The following OTOGL variants were observed in gnomAD, a reference collection of about 807,000 sequenced individuals.
The protein encoded by OTOGL is otogelin like, also known as otogelin-like protein.
In OTOGL, 285 loss-of-function variants were observed where a neutral mutation model predicts 318.5. That is an observed-to-expected ratio of 0.89 (90% CI 0.81 to 0.99). The LOEUF is 0.99. Ranked by LOEUF, OTOGL falls within the 50% of genes least tolerant of loss-of-function variation. The pLI is 0.00. For missense variants in OTOGL, 2,899 were observed against 2,845.6 expected (o/e 1.02, Z -0.43); for synonymous variants, 987 against 936.5 (o/e 1.05, Z -0.99).
chr12:80,319,985 C>G (rs1406626290), intron 33 of OTOGL, among the ~76,000 whole-genome samples: 2 of 152,084 alleles, frequency 1.3e-5, no homozygotes, highest in Non-Finnish European at 2.9e-5. Flanking sequence ...CTAAATTGAT[C>G]TATTTCTGTA....
intron 1 of OTOGL, among the ~76,000 whole-genome samples, chr12:80,122,579 T>G (rs1358915907): frequency 6.6e-6 from 1 of 152,204 alleles, no homozygotes; most frequent in Non-Finnish European, 1.5e-5. Context: ...CTTTTCATAG[T>G]CTTTACTGAC....
chr12:80,226,589 A>C (rs1878879457), intron 7 of OTOGL, among the ~76,000 whole-genome samples: 1 of 152,002 alleles, frequency 6.6e-6, no homozygotes, highest in African/African-American at 2.4e-5. Context: ...TACACCTATC[A>C]CTTGGGTTTT....
chr12:80,236,263 AT>A (rs920801678), intron 9 of OTOGL, among the ~76,000 whole-genome samples: 89 of 152,088 alleles, frequency 5.9e-4, no homozygotes, highest in African/African-American at 2.1e-3. Flanking sequence ...GTCTACTTTC[AT>A]TTTTTTCCCA....
chr12:80,128,383 C>T (rs1053431203), intron 1 of OTOGL, among the ~76,000 whole-genome samples: 3 of 152,178 alleles, frequency 2.0e-5, no homozygotes, highest in African/African-American at 7.2e-5. Flanking sequence ...ATGTTGCTGC[C>T]TGATCGTTCC....
chr12:80,194,415 C>T (rs1379589217), intron 1 of OTOGL, among the ~76,000 whole-genome samples: 2 of 152,148 alleles, frequency 1.3e-5, no homozygotes, highest in Non-Finnish European at 2.9e-5. Context: ...ATCAATGAAG[C>T]AAGACCTTCT....
chr12:80,166,094 AGAT>A (rs1376830848), intron 1 of OTOGL, among the ~76,000 whole-genome samples: 1 of 152,042 alleles, frequency 6.6e-6, no homozygotes, highest in Non-Finnish European at 1.5e-5. Flanking sequence ...TTTGTTTGCA[AGAT>A]GCTTTTTATT....
Position 80,336,078 on chromosome 12 carries a change from G to T in OTOGL, c.4538G>T (p.Gly1513Val), listed in dbSNP as rs1234145706. 1 of 1,598,672 alleles carries T rather than the reference G, an allele frequency of 6.3e-7. No individual in the cohort carries two copies. The highest frequency in any genetic ancestry group is 1.3e-5 in the African/African-American group (1 of 74,854). The change falls in exon 39 of 59, where the codon GGT (glycine) becomes GTT (valine). Residue 1513 changes from glycine to valine, a missense_variant. Physicochemically the swap from Gly to Val is moderately radical, Grantham distance 109. Coordinates refer to ENST00000547103, the MANE Select transcript of OTOGL (RefSeq NM_001378609.3). ...AAGGACGTGGAAATGCCTGACTGTG[G>T]TTTCCGAGGAAGGCCAGTTCAAGTG... Reference protein sequence around the residue: ...CPKDVEMPDCGFRGRPVQVNS... With the variant: ...CPKDVEMPDCVFRGRPVQVNS...
intron 1 of OTOGL, among the ~76,000 whole-genome samples, chr12:80,161,676 G>C (rs187833793): frequency 2.6e-5 from 4 of 152,094 alleles, no homozygotes; most frequent in African/African-American, 9.7e-5. Context: ...CGGTGCTACC[G>C]TTAGTAGAAA....
intron 2 of OTOGL, among the ~76,000 whole-genome samples, chr12:80,209,832 C>T (rs1008366925): frequency 6.6e-6 from 1 of 151,854 alleles, no homozygotes; most frequent in Admixed American, 6.6e-5. Flanking sequence ...TCATGATATG[C>T]AATTGTATTA....
intron 32 of OTOGL, among the ~76,000 whole-genome samples, chr12:80,314,778 C>T (rs1886867236): frequency 6.6e-6 from 1 of 152,008 alleles, no homozygotes; most frequent in Non-Finnish European, 1.5e-5. Flanking sequence ...TGTTTTGATA[C>T]ATGTACACAT....
chr12:80,182,787 C>T (rs1036113408), intron 1 of OTOGL, among the ~76,000 whole-genome samples: 1 of 152,154 alleles, frequency 6.6e-6, no homozygotes, highest in African/African-American at 2.4e-5. Flanking sequence ...ATAGGGAGTA[C>T]ACATCAGCAG....
In OTOGL at chr12:80,210,854, T is replaced by C; in HGVS notation, c.87T>C (p.Ile29=). 1 of 1,475,018 alleles carries C rather than the reference T, an allele frequency of 6.8e-7. No individual in the cohort carries two copies. The highest frequency in any genetic ancestry group is 9.0e-7 in the Non-Finnish European group (1 of 1,107,410). The allele number at this position is 1,475,018 out of a possible 1,614,324, so 91.4% of individuals were successfully genotyped here. ...TATATTTGTCTCTGGCAGAATATAT[T>C]TGTGCATCGTCTATATTGATGGGAA... ...HVLLFSLQEY[I]CASSILMGTS... is the part of the protein sequence containing the mutation. The change falls in exon 3 of 59, where the codon ATT becomes ATC. Residue 29 remains isoleucine (I), a synonymous_variant. Coordinates refer to ENST00000547103, the MANE Select transcript of OTOGL (RefSeq NM_001378609.3).
intron 1 of OTOGL, among the ~76,000 whole-genome samples, chr12:80,184,676 T>C (rs1265709785): frequency 6.6e-6 from 1 of 152,106 alleles, no homozygotes; most frequent in Non-Finnish European, 1.5e-5. Context: ...AGTCATGTAA[T>C]TGTTGAGTGT....
At chr12:80,135,132 AAC>A (rs1338192759) in intron 1 of OTOGL, among the ~76,000 whole-genome samples, 3 of 151,778 alleles carry the variant, frequency 2.0e-5, no homozygotes, top group African/African-American at 7.3e-5. Flanking sequence ...TGCTTCTTTC[AAC>A]ACAGTTTTCC....
At chr12:80,374,442 A>T (rs995310731) in intron 57 of OTOGL, among the ~76,000 whole-genome samples, 1 of 152,188 alleles carries the variant, frequency 6.6e-6, no homozygotes, top group African/African-American at 2.4e-5. Flanking sequence ...TAGGGATAGT[A>T]TAATATAACC....
In OTOGL at chr12:80,215,820, A is replaced by G. The variant is rs187091613; in HGVS notation, c.169-1778A>G. ...GCAATGTGGCTGAAGAGAGAATAAG[A>G]CTTGCCATCTTGAGGGAATTGAGGT... On this transcript the variant is annotated intron_variant, in intron 4 of 58. Transcript: ENST00000547103. Among the ~76,000 whole-genome samples the G allele has an allele frequency of 2.6e-5, 4 of 152,254 alleles. No homozygotes were observed. In the East Asian group the frequency reaches 7.7e-4, roughly 29 times the overall value.
intron 1 of OTOGL, among the ~76,000 whole-genome samples, chr12:80,119,724 A>G (rs1427457484): frequency 2.0e-5 from 3 of 152,146 alleles, no homozygotes. Context: ...GGCAGATACT[A>G]TGTCTTAGTT....
chr12:80,297,044 T>G (rs1885450541), intron 27 of OTOGL, 83 bp downstream of exon 27: 3 of 1,246,442 alleles, frequency 2.4e-6, no homozygotes, highest in Non-Finnish European at 3.2e-6. Context: ...GGTCTACTCC[T>G]CTCTGTAAAT....
Position 80,257,809 on chromosome 12 carries a change from T to C in OTOGL, c.1712-16T>C. On this transcript the variant is annotated splice_polypyrimidine_tract_variant and intron_variant, in intron 17 of 58. Coordinates refer to ENST00000547103, the MANE Select transcript of OTOGL (RefSeq NM_001378609.3). ...ATGAATGTCAAAGCTGATTTACGTA[T>C]GTTCTTTTCCTGCAGGTATTGTTGA... The C allele has an allele frequency of 6.5e-7, 1 of 1,550,104 alleles. No individual in the cohort carries two copies. Among genetic ancestry groups the C allele is most frequent in the Non-Finnish European group, 8.7e-7 (1 of 1,151,554 alleles).
Sources: allele counts gnomAD v4.1 joint callset (sites outside exome capture counted in the v4.1 genomes callset), GRCh38; gene constraint gnomAD v4.1.1; transcripts MANE v1.5; gene names NCBI Gene and HGNC (gene_info 2026-07-23, HGNC 2026-07-21).